Variants in LRFN5 observed in about 807,000 individuals in gnomAD.
The protein encoded by LRFN5 is leucine rich repeat and fibronectin type III domain containing 5, also known as leucine-rich repeat and fibronectin type-III domain-containing protein 5.
In LRFN5, 24 loss-of-function variants were observed where a neutral mutation model predicts 45.6. The observed-to-expected ratio is 0.53, with a 90% CI of 0.38 to 0.74. The LOEUF (loss-of-function observed/expected upper bound fraction) is 0.74, where lower values mean the gene tolerates loss of function less well. Ranked by LOEUF, LRFN5 falls within the 30% of genes least tolerant of loss-of-function variation. LRFN5 has a pLI of 0.00. For synonymous variants in LRFN5, 340 were observed against 313.8 expected (o/e 1.08, Z -0.88); for missense variants, 776 against 861.5 (o/e 0.90, Z 1.24).
rs563368725 is a variant in LRFN5 at position 41,709,140 on chromosome 14, T to C, written c.-196-57714T>C. On this transcript the variant is annotated intron_variant, in intron 1 of 5. Coordinates refer to ENST00000298119, the MANE Select transcript of LRFN5 (RefSeq NM_152447.5). ...GTAACTGTAAGTTTGATTATTTTCCTTTGTTTGCTGGTTTTCAGAATATCT... is the reference window on the plus strand; with the variant it reads ...GTAACTGTAAGTTTGATTATTTTCCCTTGTTTGCTGGTTTTCAGAATATCT... Among the ~76,000 whole-genome samples the C allele has an allele frequency of 3.3e-5, 5 of 152,204 alleles. No homozygotes were observed. In the East Asian group the frequency reaches 9.6e-4, roughly 29 times the overall value.
intron 2 of LRFN5, among the ~76,000 whole-genome samples, chr14:41,787,400 A>C (rs1246606643): frequency 1.3e-5 from 2 of 152,098 alleles, no homozygotes; most frequent in Non-Finnish European, 2.9e-5. Context: ...CTGCCTCCAC[A>C]CAGAAAGTTG....
intron 2 of LRFN5, among the ~76,000 whole-genome samples, chr14:41,806,548 T>C (rs1285603832): frequency 6.6e-6 from 1 of 152,172 alleles, no homozygotes; most frequent in East Asian, 1.9e-4. Flanking sequence ...GTGATAATAC[T>C]AAGTATTCTG....
chr14:41,677,353 AG>A (rs1195580997), intron 1 of LRFN5, among the ~76,000 whole-genome samples: 1 of 152,180 alleles, frequency 6.6e-6, no homozygotes, highest in Non-Finnish European at 1.5e-5. Flanking sequence ...TCAAAGGAAC[AG>A]GAAGAATCTA....
chr14:41,856,675 A>ATTATTATTATTATTTTTTTTTTTTTTTTT, intron 2 of LRFN5, among the ~76,000 whole-genome samples: 7 of 18,334 alleles, frequency 3.8e-4, no homozygotes, highest in Non-Finnish European at 6.4e-4. Context: ...TATTATTATT[A>ATTATTATTATTATTTTTTTTTTTTTTTTT]TTTTTTTTTT....
intron 1 of LRFN5, among the ~76,000 whole-genome samples, chr14:41,733,801 T>A (rs531345828): frequency 2.0e-5 from 3 of 151,666 alleles, no homozygotes; most frequent in African/African-American, 7.2e-5. Flanking sequence ...TTCTACACAA[T>A]TTAAAATATT....
At chr14:41,833,910 A>T (rs1169825642) in intron 2 of LRFN5, among the ~76,000 whole-genome samples, 1 of 152,122 alleles carries the variant, frequency 6.6e-6, no homozygotes, top group African/African-American at 2.4e-5. Flanking sequence ...TTTACTTATT[A>T]TTGTGAATCT....
chr14:41,824,960 C>T (rs967411438), intron 2 of LRFN5, among the ~76,000 whole-genome samples: 6 of 152,182 alleles, frequency 3.9e-5, no homozygotes, highest in Admixed American at 2.0e-4. Context: ...TCCTGACTCT[C>T]TGTTCAGAGA....
rs150375406 is a variant in LRFN5 at position 41,620,123 on chromosome 14, A to G, written c.-197+11561A>G. Among the ~76,000 whole-genome samples, 179 of 152,202 alleles carry G rather than the reference A, an allele frequency of 1.2e-3. 1 individual carries two copies. The East Asian group carries it at 0.02, about 17-fold the overall frequency. ...TTGAAATCTGTTTCTAGTTTATTCT[A>G]TTGAGACACAGGACCAAAGGGATCT... On this transcript the variant is annotated intron_variant, in intron 1 of 5. Coordinates refer to ENST00000298119, the MANE Select transcript of LRFN5 (RefSeq NM_152447.5).
intron 2 of LRFN5, among the ~76,000 whole-genome samples, chr14:41,838,034 G>C (rs1594453411): frequency 6.6e-6 from 1 of 152,144 alleles, no homozygotes; most frequent in South Asian, 2.1e-4. Context: ...GACCTGATTT[G>C]TGTGGTTTTT....
At chr14:41,796,749 A>G (rs1887146646) in intron 2 of LRFN5, among the ~76,000 whole-genome samples, 2 of 151,936 alleles carry the variant, frequency 1.3e-5, no homozygotes, top group South Asian at 2.1e-4. Context: ...CCTCACAAGC[A>G]TGGCAACATT....
At chr14:41,706,492 G>C (rs1331194033) in intron 1 of LRFN5, among the ~76,000 whole-genome samples, 3 of 151,836 alleles carry the variant, frequency 2.0e-5, no homozygotes, top group African/African-American at 7.3e-5. Flanking sequence ...TCCCAGGAGA[G>C]GGCTTATTGA....
chr14:41,813,361 G>C (rs1887803483), intron 2 of LRFN5, among the ~76,000 whole-genome samples: 1 of 151,500 alleles, frequency 6.6e-6, no homozygotes, highest in Non-Finnish European at 1.5e-5. Context: ...CCAACCCCCT[G>C]TGGCCCTGGT....
chr14:41,879,436 C>T (rs183753464), intron 2 of LRFN5, among the ~76,000 whole-genome samples: 15 of 151,820 alleles, frequency 9.9e-5, no homozygotes, highest in African/African-American at 1.9e-4. Context: ...ACCCTTTACC[C>T]GGATTCCCAA....
intron 2 of LRFN5, among the ~76,000 whole-genome samples, chr14:41,839,708 G>A (rs776625485): frequency 6.6e-6 from 1 of 152,140 alleles, no homozygotes; most frequent in Non-Finnish European, 1.5e-5. Flanking sequence ...AGCTATTTCT[G>A]TGGAGGGACC....
At chr14:41,769,806 A>G (rs1296336238) in intron 2 of LRFN5, among the ~76,000 whole-genome samples, 1 of 152,186 alleles carries the variant, frequency 6.6e-6, no homozygotes, top group Non-Finnish European at 1.5e-5. Context: ...GACAATTTGT[A>G]GTATTCTTTA....
At chr14:41,667,042 A>G (rs987916838) in intron 1 of LRFN5, among the ~76,000 whole-genome samples, 5 of 152,136 alleles carry the variant, frequency 3.3e-5, no homozygotes, top group Non-Finnish European at 5.9e-5. Flanking sequence ...AGTCTTAACA[A>G]TTTTATTTTA....
chr14:41,797,481 A>G (rs892796797), intron 2 of LRFN5, among the ~76,000 whole-genome samples: 3 of 151,734 alleles, frequency 2.0e-5, no homozygotes, highest in African/African-American at 7.2e-5. Context: ...AAATATAAAT[A>G]GCTTTATAAT....
At chr14:41,624,400 A>G (rs979896729) in intron 1 of LRFN5, among the ~76,000 whole-genome samples, 5 of 152,128 alleles carry the variant, frequency 3.3e-5, no homozygotes, top group Admixed American at 2.6e-4. Context: ...ATATTATATC[A>G]TTTGTTGCCT....
rs1274334892 is a variant in LRFN5, at chr14:41,607,357, G to GACAC, written c.-1393_-1390dup. Among the ~76,000 whole-genome samples, 2 of 152,086 alleles carry GACAC rather than the reference G, an allele frequency of 1.3e-5. No homozygotes were observed. The highest frequency in any genetic ancestry group is 1.9e-4 in the East Asian group (1 of 5,158). ...GGGGCAGACCAACGAAACCTAGACA[G>GACAC]ACACACACACACTCAGAGGAGAGAG... On this transcript the variant is annotated 5_prime_UTR_variant, in exon 1 of 6. Coordinates refer to ENST00000298119, the MANE Select transcript of LRFN5 (RefSeq NM_152447.5).
Sources: allele counts gnomAD v4.1 joint callset (sites outside exome capture counted in the v4.1 genomes callset), GRCh38; gene constraint gnomAD v4.1.1; transcripts MANE v1.5; gene names NCBI Gene and HGNC (gene_info 2026-07-23, HGNC 2026-07-21).